PHF20: variants seen among roughly 807,000 people sequenced by gnomAD.
PHF20 encodes PHD finger protein 20.
In PHF20, 23 loss-of-function variants were observed where a neutral mutation model predicts 113.5. That is an observed-to-expected ratio of 0.20 (90% CI 0.15 to 0.29). The LOEUF (loss-of-function observed/expected upper bound fraction) is 0.29, where lower values mean the gene tolerates loss of function less well. Among genes scored for constraint, PHF20 ranks in the 10% least tolerant of loss-of-function variants. PHF20 has a pLI of 1.00. For missense variants in PHF20, 943 were observed against 1,219.6 expected (o/e 0.77, Z 3.38); for synonymous variants, 434 against 457.3 (o/e 0.95, Z 0.65).
At chr20:35,849,117 T>G (rs188897653) in intron 4 of PHF20, among the ~76,000 whole-genome samples, 627 of 152,280 alleles carry the variant, frequency 4.1e-3, no homozygotes, top group Middle Eastern at 0.01. Context: ...GACTGGTTTT[T>G]GGGACTAACT....
chr20:35,832,499 A>G (rs375931467), intron 2 of PHF20, among the ~76,000 whole-genome samples: 1 of 152,178 alleles, frequency 6.6e-6, no homozygotes, highest in African/African-American at 2.4e-5. Flanking sequence ...GGTAAATGCT[A>G]TGAAGGAAAC....
Position 35,917,639 on chromosome 20 carries a change from G to A in PHF20, c.1981G>A (p.Glu661Lys), listed in dbSNP as rs1458905135. Residue 661 changes from glutamate to lysine, a missense_variant, in exon 13 of 18, where the codon GAG becomes AAG. Around this residue, in one of 3 missense-constraint regions of PHF20, gnomAD observed 592 missense variants for 787.2 expected, o/e 0.75. Coordinates refer to ENST00000374012, the MANE Select transcript of PHF20 (RefSeq NM_016436.5). ...GGTCCGCTGCATCTGTGAGGTCCAGGAGGAAAATGACTTCATGATTCAGGT... is the reference window on the plus strand; with the variant it reads ...GGTCCGCTGCATCTGTGAGGTCCAGAAGGAAAATGACTTCATGATTCAGGT... Reference protein sequence around the residue: ...EVVRCICEVQEENDFMIQCEE... With the variant: ...EVVRCICEVQKENDFMIQCEE... 2.5e-6 allele frequency: 4 copies of A among 1,613,828 alleles called. No homozygotes were observed. Among genetic ancestry groups the A allele is most frequent in the African/African-American group, 2.7e-5 (2 of 74,910 alleles).
chr20:35,918,897 G>A (rs1241457898), intron 13 of PHF20, among the ~76,000 whole-genome samples: 2 of 152,336 alleles, frequency 1.3e-5, no homozygotes, highest in East Asian at 3.9e-4. Flanking sequence ...TGTCCAATAA[G>A]AATCTGTATA....
At position 35,850,672 on chromosome 20, in the gene PHF20, G is replaced by A. The variant is rs1315652524; in HGVS notation, c.340+3238G>A. The A allele has an allele frequency of 4.2e-5, 7 of 165,782 alleles. No homozygotes were observed. In the South Asian group the frequency reaches 4.9e-4, roughly 12 times the overall value. 10.3% of individuals were successfully genotyped at this position (165,782 alleles called of 1,614,324 possible). ...AATTCATTATTACATCAGCTGGTATGATTACTGTTCTCTCCATTTTGGGGG... is the reference window on the plus strand; with the variant it reads ...AATTCATTATTACATCAGCTGGTATAATTACTGTTCTCTCCATTTTGGGGG... On this transcript the variant is annotated intron_variant, in intron 4 of 17. Coordinates refer to ENST00000374012, the MANE Select transcript of PHF20 (RefSeq NM_016436.5).
At chr20:35,804,229 G>GC (rs1555918118) in intron 2 of PHF20, among the ~76,000 whole-genome samples, 1 of 99,584 alleles carries the variant, frequency 1.0e-5, no homozygotes, top group Non-Finnish European at 1.9e-5. Flanking sequence ...GCTACTGTAT[G>GC]TTTTTTTTTT....
intron 17 of PHF20, among the ~76,000 whole-genome samples, chr20:35,944,587 T>A (rs2147137829): frequency 6.6e-6 from 1 of 152,358 alleles, no homozygotes; most frequent in East Asian, 1.9e-4. Flanking sequence ...TTTATTTTTT[T>A]AAGACGGAGT....
chr20:35,936,376 C>T (rs185193222), intron 15 of PHF20, among the ~76,000 whole-genome samples: 9 of 152,096 alleles, frequency 5.9e-5, no homozygotes, highest in Non-Finnish European at 1.0e-4. Flanking sequence ...AGAGCTGAGA[C>T]GGGATAGTTG....
At chr20:35,872,603 G>A (rs1320661059) in intron 9 of PHF20, among the ~76,000 whole-genome samples, 1 of 152,132 alleles carries the variant, frequency 6.6e-6, no homozygotes, top group Non-Finnish European at 1.5e-5. Flanking sequence ...GATACGTTGT[G>A]TTTTTATTTT....
intron 11 of PHF20, 118 bp downstream of exon 11, chr20:35,913,465 T>C: frequency 1.4e-6 from 1 of 735,414 alleles, no homozygotes; most frequent in Non-Finnish European, 2.3e-6. Context: ...AATAGTCTCT[T>C]ACCAGGGCTT....
intron 15 of PHF20, among the ~76,000 whole-genome samples, chr20:35,935,099 C>T (rs1371435635): frequency 6.6e-6 from 1 of 151,854 alleles, no homozygotes; most frequent in East Asian, 1.9e-4. Flanking sequence ...CCTGCCTTGC[C>T]CTCCCAAAGT....
intron 2 of PHF20, among the ~76,000 whole-genome samples, chr20:35,805,067 A>AT (rs113068770): frequency 0.049 from 7,124 of 145,074 alleles, 209 homozygotes; most frequent in African/African-American, 0.091. Flanking sequence ...ATGCCTGGCT[A>AT]TTTTTTTTTT....
intron 4 of PHF20, among the ~76,000 whole-genome samples, chr20:35,852,762 C>T (rs946059254): frequency 3.3e-5 from 5 of 151,806 alleles, no homozygotes; most frequent in African/African-American, 1.2e-4. Context: ...CCACGCCTGG[C>T]TAATATTTGC....
At chr20:35,784,057 G>GTT (rs1210870889) in intron 1 of PHF20, among the ~76,000 whole-genome samples, 5 of 139,670 alleles carry the variant, frequency 3.6e-5, no homozygotes, top group Admixed American at 7.2e-5. Context: ...TTGTTTGTGT[G>GTT]TTTTTTTTTT....
chr20:35,863,225 A>G lies in PHF20; in HGVS notation c.633A>G (p.Lys211=), dbSNP rs1377258632. 6.2e-7 allele frequency: 1 copy of G among 1,614,102 alleles called. No individual in the cohort carries two copies. The highest frequency in any genetic ancestry group is 2.2e-5 in the East Asian group (1 of 44,882). ...ICSEKGKVSE[K]SLPKNEKEDK... is the part of the protein sequence containing the mutation. Reference sequence around the variant, plus strand: ...CTGAAAAGGGGAAAGTGTCAGAGAAAAGTCTTCCCAAGAACGAGAAGGAAG... The same window carrying G: ...CTGAAAAGGGGAAAGTGTCAGAGAAGAGTCTTCCCAAGAACGAGAAGGAAG... Residue 211 remains lysine (K), a synonymous_variant, in exon 6 of 18, where the codon AAA becomes AAG. Coordinates refer to ENST00000374012, the MANE Select transcript of PHF20 (RefSeq NM_016436.5).
rs1332767880 is a variant in PHF20 at position 35,915,906 on chromosome 20, G to A, written c.1826-1578G>A. Among the ~76,000 whole-genome samples, 6 of 152,164 alleles carry A rather than the reference G, an allele frequency of 3.9e-5. No individual in the cohort carries two copies. In the Middle Eastern group the frequency reaches 0.01, roughly 259 times the overall value. On this transcript the variant is annotated intron_variant, in intron 12 of 17. Transcript: ENST00000374012. ...TCCCAACACTCTGGGAGGCTGAGGCGGGTGGATTGCTTGACCCCAGAAGTT... is the reference window on the plus strand; with the variant it reads ...TCCCAACACTCTGGGAGGCTGAGGCAGGTGGATTGCTTGACCCCAGAAGTT...
chr20:35,873,400 C>T (rs1279177364), intron 9 of PHF20, among the ~76,000 whole-genome samples: 1 of 151,192 alleles, frequency 6.6e-6, no homozygotes, highest in Non-Finnish European at 1.5e-5. Flanking sequence ...TATTTCTGGC[C>T]TAAATGTAAT....
At chr20:35,878,480 T>C in intron 9 of PHF20, 2 of 575,940 alleles carry the variant, frequency 3.5e-6, no homozygotes, top group Non-Finnish European at 6.2e-6. Flanking sequence ...GATGTTTCCC[T>C]TTCTGAATTC....
Position 35,911,249 on chromosome 20 carries a change from A to G in PHF20, c.1562-2000A>G, listed in dbSNP as rs566087517. ...AGTAGAGACAGGGTTTTACCATGTT[A>G]GCCAGGATGGTCTCAATCTCCTGAC... On this transcript the variant is annotated intron_variant, in intron 10 of 17. Transcript: ENST00000374012. 7.9e-5 allele frequency among the ~76,000 whole-genome samples: 12 copies of G among 151,794 alleles called. No individual in the cohort carries two copies. The South Asian group carries it at 8.3e-4, about 11-fold the overall frequency.
chr20:35,930,122 A>C (rs2055724219), intron 14 of PHF20, among the ~76,000 whole-genome samples: 1 of 152,118 alleles, frequency 6.6e-6, no homozygotes, highest in African/African-American at 2.4e-5. Flanking sequence ...TCCAGTTCCT[A>C]TGTTGTTCTA....
Sources: gnomAD v4.1 joint callset for allele counts (sites outside exome capture counted in the v4.1 genomes callset) on GRCh38, gnomAD v4.1.1 for gene constraint, gnomAD v4.1.1 regional missense constraint, MANE v1.5 for transcripts, NCBI Gene and HGNC (gene_info 2026-07-23, HGNC 2026-07-21) for gene names.